RAD54L2: variants seen among roughly 807,000 people sequenced by gnomAD.
The protein encoded by RAD54L2 is RAD54 like 2.
In RAD54L2, 27 loss-of-function variants were observed where a neutral mutation model predicts 138.4. The observed-to-expected ratio is 0.20, with a 90% CI of 0.14 to 0.27. The LOEUF is 0.27. RAD54L2 is among the 10% of genes least tolerant of loss of function. RAD54L2 has a pLI of 1.00. For synonymous variants in RAD54L2, 644 were observed against 723.2 expected (o/e 0.89, Z 1.76); for missense variants, 1,396 against 1,890.2 (o/e 0.74, Z 4.85).
chr3:51,650,649 A>C (rs1701406359), intron 19 of RAD54L2, among the ~76,000 whole-genome samples: 1 of 152,230 alleles, frequency 6.6e-6, no homozygotes, highest in Non-Finnish European at 1.5e-5. Flanking sequence ...AAACCACACA[A>C]CTACATGAAA....
intron 19 of RAD54L2, among the ~76,000 whole-genome samples, chr3:51,652,391 C>G (rs146068252): frequency 1.3e-5 from 2 of 152,224 alleles, no homozygotes; most frequent in Non-Finnish European, 2.9e-5. Flanking sequence ...CCATCCCCAT[C>G]AAGCTACCAA....
chr3:51,601,353 G>A (rs1466305143), intron 3 of RAD54L2, among the ~76,000 whole-genome samples: 1 of 147,634 alleles, frequency 6.8e-6, no homozygotes, highest in African/African-American at 2.5e-5. Flanking sequence ...TGTCCCCCAG[G>A]CTGGAGTGCA....
At chr3:51,552,294 G>C (rs978145102) in intron 2 of RAD54L2, among the ~76,000 whole-genome samples, 1 of 151,632 alleles carries the variant, frequency 6.6e-6, no homozygotes, top group African/African-American at 2.4e-5. Flanking sequence ...ACAGAGTCTT[G>C]CTCTGTCGCC....
At chr3:51,657,870 T>A (rs1701645605) in intron 21 of RAD54L2, among the ~76,000 whole-genome samples, 2 of 151,760 alleles carry the variant, frequency 1.3e-5, no homozygotes, top group Admixed American at 6.6e-5. Flanking sequence ...TAGTCAGTGG[T>A]TTAAAAGAAG....
intron 3 of RAD54L2, among the ~76,000 whole-genome samples, chr3:51,618,547 C>T (rs1008978560): frequency 4.6e-5 from 7 of 151,716 alleles, no homozygotes; most frequent in South Asian, 2.1e-4. Flanking sequence ...ACCGTACCCC[C>T]GACTGGGTGA....
intron 22 of RAD54L2, 34 bp downstream of exon 22, chr3:51,660,152 AAAC>A (rs1275079615): frequency 1.8e-5 from 28 of 1,532,472 alleles, no homozygotes; most frequent in East Asian, 2.3e-5. Flanking sequence ...TTTACTTTTC[AAAC>A]AACATTTGTT....
At position 51,646,161 on chromosome 3, in the gene RAD54L2, G is replaced by A. The variant is rs576355853; in HGVS notation, c.2830-124G>A. ...TGACAGAAAGACAGTAAACCTGCCT[G>A]TGTATCTCTGAGCAGTCTCTTCGCT... On this transcript the variant is annotated intron_variant, in intron 18 of 22. Transcript: ENST00000684192. 6.0e-6 allele frequency: 5 copies of A among 829,448 alleles called. No individual in the cohort carries two copies. In the East Asian group the frequency reaches 8.0e-5, roughly 13 times the overall value. The allele number at this position is 829,448 out of a possible 1,614,324, so 51.4% of individuals were successfully genotyped here.
chr3:51,662,105 C>T lies in RAD54L2; in HGVS notation c.3410-321C>T, dbSNP rs186549423. On this transcript the variant is annotated intron_variant, in intron 22 of 22. Coordinates refer to ENST00000684192, the MANE Select transcript of RAD54L2 (RefSeq NM_015106.4). The surrounding 1 kb of genome is among the most constrained non-coding windows in gnomAD (Gnocchi z 4.6). ...ATTGATCACTGACTGTCTCTTACTG[C>T]CAGAAAAAGTTTGACTAGTTTTAAG... 6.6e-5 allele frequency among the ~76,000 whole-genome samples: 10 copies of T among 152,056 alleles called. No homozygotes were observed. The East Asian group carries it at 1.9e-3, about 29-fold the overall frequency.
intron 2 of RAD54L2, among the ~76,000 whole-genome samples, chr3:51,546,779 A>C (rs1553672371): frequency 5.3e-5 from 8 of 152,222 alleles, no homozygotes. Context: ...CTGTAATCCC[A>C]GCACTTTGGG....
intron 4 of RAD54L2, among the ~76,000 whole-genome samples, chr3:51,629,067 CT>C (rs1700768445): frequency 2.0e-5 from 3 of 152,126 alleles, no homozygotes; most frequent in Admixed American, 2.0e-4. Flanking sequence ...AAATATTACT[CT>C]AGTTTATTCT....
At chr3:51,634,157 T>C (rs1700918655) in intron 9 of RAD54L2, 122 bp downstream of exon 9, 38 of 1,271,610 alleles carry the variant, frequency 3.0e-5, no homozygotes, top group Admixed American at 5.1e-5. Context: ...GGTTTCCTGA[T>C]GTATCACTTT....
intron 2 of RAD54L2, among the ~76,000 whole-genome samples, chr3:51,546,756 C>A (rs573896983): frequency 4.6e-5 from 7 of 152,084 alleles, no homozygotes; most frequent in African/African-American, 1.7e-4. Context: ...AGGCCAGGCG[C>A]GGTGGCTCAC....
intron 2 of RAD54L2, among the ~76,000 whole-genome samples, chr3:51,549,795 A>G (rs1009225633): frequency 6.1e-4 from 91 of 149,408 alleles, no homozygotes; most frequent in South Asian, 3.2e-3. Context: ...AAAAAAAAAA[A>G]GGGGGTGGGG....
intron 3 of RAD54L2, among the ~76,000 whole-genome samples, chr3:51,594,111 C>T (rs1436589928): frequency 8.2e-6 from 1 of 122,434 alleles, no homozygotes; most frequent in Non-Finnish European, 1.6e-5. Context: ...TGCTCTTTTG[C>T]CCAGGCTGGA....
At chr3:51,561,808 G>A (rs1195657819) in intron 2 of RAD54L2, among the ~76,000 whole-genome samples, 1 of 152,194 alleles carries the variant, frequency 6.6e-6, no homozygotes, top group East Asian at 1.9e-4. Context: ...TTCTGCCTCA[G>A]CCTCCCAAAG....
intron 2 of RAD54L2, among the ~76,000 whole-genome samples, chr3:51,585,341 C>T (rs1050343004): frequency 2.2e-4 from 33 of 152,084 alleles, no homozygotes; most frequent in Non-Finnish European, 4.4e-5. Context: ...CTATCAAGGA[C>T]CATAATGACA....
rs750710333 is a variant in RAD54L2, at chr3:51,639,957, T to C, written c.2189T>C (p.Ile730Thr). 7 of 1,611,628 alleles carry C rather than the reference T, an allele frequency of 4.3e-6. No individual in the cohort carries two copies. The highest frequency in any genetic ancestry group is 1.7e-6 in the Non-Finnish European group (2 of 1,178,266). Residue 730 changes from isoleucine (I) to threonine (T), a missense_variant, in exon 14 of 23, where the codon ATT (isoleucine) becomes ACT (threonine). Physicochemically the swap from Ile to Thr is moderately conservative, Grantham distance 89. This residue lies in a region of RAD54L2 where 211 missense variants were observed against 273.8 expected (regional missense o/e 0.77). Coordinates refer to ENST00000684192, the MANE Select transcript of RAD54L2 (RefSeq NM_015106.4). ...SPKMVLLFHLIEESVKLGDKI... is the reference protein window; with the variant it reads ...SPKMVLLFHLTEESVKLGDKI... The stretch of plus-strand genomic sequence containing the variant: ...AAGATGGTACTGCTTTTCCACCTGA[T>C]TGAGGAAAGTGTGAAGCTTGGGGAC...
intron 3 of RAD54L2, among the ~76,000 whole-genome samples, chr3:51,598,758 A>G (rs1310962674): frequency 6.6e-6 from 1 of 152,132 alleles, no homozygotes; most frequent in Non-Finnish European, 1.5e-5. Flanking sequence ...TCTGTCTCCA[A>G]CAAACAAAAA....
intron 2 of RAD54L2, among the ~76,000 whole-genome samples, chr3:51,584,611 C>T (rs1233186147): frequency 1.4e-5 from 2 of 147,024 alleles, no homozygotes; most frequent in East Asian, 2.0e-4. Flanking sequence ...TACTATACTC[C>T]GTATAGTACT....
Sources: gnomAD v4.1 joint callset for allele counts (sites outside exome capture counted in the v4.1 genomes callset) on GRCh38, gnomAD v4.1.1 for gene constraint, gnomAD v4.1.1 regional missense constraint, Gnocchi (gnomAD v3.1) non-coding constraint, MANE v1.5 for transcripts, NCBI Gene and HGNC (gene_info 2026-07-23, HGNC 2026-07-21) for gene names.